Variants in HS6ST3 observed in about 807,000 individuals in gnomAD.
The protein encoded by HS6ST3 is heparan-sulfate 6-O-sulfotransferase 3.
Under a neutral mutation model 36.7 loss-of-function variants are expected in HS6ST3, and 12 were observed. The observed-to-expected ratio is 0.33, with a 90% CI of 0.21 to 0.53. The LOEUF (loss-of-function observed/expected upper bound fraction) is 0.53, where lower values mean the gene tolerates loss of function less well. HS6ST3 is among the 20% of genes least tolerant of loss of function. The pLI, the probability that HS6ST3 is intolerant of heterozygous loss-of-function variation, is 0.95. For missense variants in HS6ST3, 584 were observed against 640.9 expected, an observed-to-expected ratio of 0.91 and a Z score of 0.96; for synonymous variants, 240 against 257.5, an observed-to-expected ratio of 0.93 and a Z score of 0.65.
At chr13:96,229,384 A>G (rs879380499) in intron 1 of HS6ST3, among the ~76,000 whole-genome samples, 3 of 152,210 alleles carry the variant, frequency 2.0e-5, no homozygotes, top group Non-Finnish European at 4.4e-5. Flanking sequence ...CTTAAAAAAC[A>G]GGCACTTATC....
chr13:96,695,408 A>G (rs904847741), intron 1 of HS6ST3, among the ~76,000 whole-genome samples: 1 of 152,180 alleles, frequency 6.6e-6, no homozygotes, highest in African/African-American at 2.4e-5. Context: ...GTTTGGCAAT[A>G]TATAACGAAA....
Position 96,090,858 on chromosome 13 carries a change from G to A in HS6ST3, c.-5G>A. ...CGCTTCGCCTGCCGGCCTGAGAGCG[G>A]GACCATGGATGAAAGGTTCAACAAG... On this transcript the variant is annotated 5_prime_UTR_variant, in exon 1 of 2. Transcript: ENST00000376705. The A allele has an allele frequency of 6.6e-7, 1 of 1,506,906 alleles. No individual in the cohort carries two copies. Among genetic ancestry groups the A allele is most frequent in the East Asian group, 2.9e-5 (1 of 34,732 alleles). 93.3% of individuals were successfully genotyped at this position (1,506,906 alleles called of 1,614,324 possible). A position where few individuals can be genotyped will look rare whatever the true frequency, so the allele number is the denominator to read the frequency against.
chr13:96,185,827 T>C (rs1566902441), intron 1 of HS6ST3, among the ~76,000 whole-genome samples: 1 of 152,214 alleles, frequency 6.6e-6, no homozygotes, highest in African/African-American at 2.4e-5. Flanking sequence ...TTGCTTGCCT[T>C]AGGTGGTCAT....
intron 1 of HS6ST3, among the ~76,000 whole-genome samples, chr13:96,657,097 G>T (rs2056628576): frequency 6.6e-6 from 1 of 151,416 alleles, no homozygotes; most frequent in Non-Finnish European, 1.5e-5. Flanking sequence ...TGGCAAAGCA[G>T]GAAATAATCA....
intron 1 of HS6ST3, among the ~76,000 whole-genome samples, chr13:96,824,266 T>A (rs1459220342): frequency 6.6e-6 from 1 of 152,244 alleles, no homozygotes; most frequent in African/African-American, 2.4e-5. Flanking sequence ...GCGACGCACA[T>A]GGCTTCTGTG....
At chr13:96,266,296 G>A (rs1310956394) in intron 1 of HS6ST3, among the ~76,000 whole-genome samples, 1 of 152,160 alleles carries the variant, frequency 6.6e-6, no homozygotes, top group Non-Finnish European at 1.5e-5. Context: ...GGTCATTCCT[G>A]ACTCTGATCC....
At chr13:96,386,679 A>T (rs2055370056) in intron 1 of HS6ST3, among the ~76,000 whole-genome samples, 1 of 152,090 alleles carries the variant, frequency 6.6e-6, no homozygotes. Flanking sequence ...ATCCTGCCCA[A>T]CATGGTGAAA....
chr13:96,621,450 A>G (rs1209269368), intron 1 of HS6ST3, among the ~76,000 whole-genome samples: 2 of 152,118 alleles, frequency 1.3e-5, no homozygotes, highest in Non-Finnish European at 2.9e-5. Context: ...ACCTTCTGCC[A>G]TGATTGTAAG....
intron 1 of HS6ST3, among the ~76,000 whole-genome samples, chr13:96,389,055 G>A (rs2055382684): frequency 6.6e-6 from 1 of 152,090 alleles, no homozygotes; most frequent in African/African-American, 2.4e-5. Flanking sequence ...TTAAATATTT[G>A]ATAAACTCAT....
intron 1 of HS6ST3, among the ~76,000 whole-genome samples, chr13:96,798,362 T>G (rs1203624158): frequency 2.0e-5 from 3 of 152,028 alleles, no homozygotes; most frequent in African/African-American, 4.8e-5. Flanking sequence ...GGGCTGAAAG[T>G]CCCAACCCTC....
chr13:96,396,349 T>A (rs923833239), intron 1 of HS6ST3, among the ~76,000 whole-genome samples: 2 of 152,016 alleles, frequency 1.3e-5, no homozygotes. Flanking sequence ...TTAAAAGGAA[T>A]TACCTCAGAT....
chr13:96,798,296 G>A (rs1488049257), intron 1 of HS6ST3, among the ~76,000 whole-genome samples: 1 of 151,966 alleles, frequency 6.6e-6, no homozygotes, highest in Non-Finnish European at 1.5e-5. Context: ...CATTACATGG[G>A]CCCAATTGAT....
chr13:96,493,745 G>T (rs1303247245), intron 1 of HS6ST3, among the ~76,000 whole-genome samples: 1 of 152,098 alleles, frequency 6.6e-6, no homozygotes, highest in African/African-American at 2.4e-5. Context: ...ATATTTTTAT[G>T]GTTATGTCTT....
At chr13:96,381,828 G>A (rs1303831588) in intron 1 of HS6ST3, among the ~76,000 whole-genome samples, 1 of 152,114 alleles carries the variant, frequency 6.6e-6, no homozygotes, top group Admixed American at 6.6e-5. Flanking sequence ...GAGTTACGGG[G>A]ATGGCCTGAC....
At position 96,702,572 on chromosome 13, in the gene HS6ST3, A is replaced by C. The variant is rs1875318028; in HGVS notation, c.708-129918A>C. Among the ~76,000 whole-genome samples the C allele has an allele frequency of 2.0e-5, 3 of 152,234 alleles. No individual in the cohort carries two copies. The South Asian group carries it at 6.2e-4, about 31-fold the overall frequency. On this transcript the variant is annotated intron_variant, in intron 1 of 1. Transcript: ENST00000376705. ...GATCATCTACTTTTTTCTTGTTGGC[A>C]CTACCTTGGGTATCAGCACAGCTTG...
At chr13:96,094,622 G>A (rs1446501651) in intron 1 of HS6ST3, among the ~76,000 whole-genome samples, 3 of 152,172 alleles carry the variant, frequency 2.0e-5, no homozygotes, top group Non-Finnish European at 4.4e-5. Context: ...AATGGTGAGC[G>A]AGGAGGTGAG....
intron 1 of HS6ST3, among the ~76,000 whole-genome samples, chr13:96,640,058 T>A (rs2056564920): frequency 6.6e-6 from 1 of 151,908 alleles, no homozygotes; most frequent in Non-Finnish European, 1.5e-5. Flanking sequence ...GAATGATTTA[T>A]TTTGGTGGGT....
intron 1 of HS6ST3, among the ~76,000 whole-genome samples, chr13:96,406,109 A>C (rs984506289): frequency 6.6e-6 from 1 of 152,226 alleles, no homozygotes; most frequent in African/African-American, 2.4e-5. Context: ...AATACTAATG[A>C]AATTAAAATG....
intron 1 of HS6ST3, among the ~76,000 whole-genome samples, chr13:96,255,029 T>C (rs1309260024): frequency 6.6e-6 from 1 of 152,218 alleles, no homozygotes; most frequent in Non-Finnish European, 1.5e-5. Flanking sequence ...GAAAGTTAGG[T>C]TAGAAAAGAT....
Sources: allele counts gnomAD v4.1 joint callset (sites outside exome capture counted in the v4.1 genomes callset), GRCh38; gene constraint gnomAD v4.1.1; transcripts MANE v1.5; gene names NCBI Gene and HGNC (gene_info 2026-07-23, HGNC 2026-07-21).